The following GNAI2 variants were observed in gnomAD, a reference collection of about 807,000 sequenced individuals.
The protein encoded by GNAI2 is guanine nucleotide-binding protein G(i) subunit alpha-2.
Under a neutral mutation model 36.8 loss-of-function variants are expected in GNAI2, and 4 were observed. That is an observed-to-expected ratio of 0.11 (90% CI 0.05 to 0.25). The LOEUF (loss-of-function observed/expected upper bound fraction) is 0.25. GNAI2 is among the 10% of genes least tolerant of loss of function. The pLI is 1.00. For missense variants in GNAI2, 230 were observed against 481.3 expected, an observed-to-expected ratio of 0.48 and a Z score of 4.89; for synonymous variants, 194 against 194.1, an observed-to-expected ratio of 1.00 and a Z score of 0.01.
At chr3:50,246,524 C>A (rs1229659686) in intron 1 of GNAI2, among the ~76,000 whole-genome samples, 1 of 152,212 alleles carries the variant, frequency 6.6e-6, no homozygotes, top group Non-Finnish European at 1.5e-5. Context: ...GGGCTACCCC[C>A]ACCTGCCCCA....
intron 8 of GNAI2, 69 bp downstream of exon 8, chr3:50,257,783 TC>T: frequency 6.5e-6 from 3 of 463,726 alleles, no homozygotes; most frequent in South Asian, 2.9e-5. Flanking sequence ...AGCAGGGGGT[TC>T]TGGGGGTGGG....
chr3:50,245,094 G>A (rs1700385478), intron 1 of GNAI2, among the ~76,000 whole-genome samples: 3 of 152,052 alleles, frequency 2.0e-5, no homozygotes, highest in Non-Finnish European at 2.9e-5. Flanking sequence ...CGCCTCCCAG[G>A]TTTAAGTGAT....
intron 8 of GNAI2, chr3:50,257,990 T>G: frequency 3.1e-6 from 1 of 318,060 alleles, no homozygotes; most frequent in Non-Finnish European, 5.8e-6. Flanking sequence ...CATCCTGATG[T>G]TCCCTGGAGA....
In GNAI2 at chr3:50,252,514, C is replaced by T. The variant is rs1394362829; in HGVS notation, c.279C>T (p.Ile93=). The T allele has an allele frequency of 5.6e-6, 9 of 1,613,420 alleles. No individual in the cohort carries two copies. Among genetic ancestry groups the T allele is most frequent in the Admixed American group, 3.3e-5 (2 of 60,008 alleles). ...TCAAAGCCATGGGCAACCTGCAGAT[C>T]GACTTTGCCGACCCCTCCAGAGCGG... ...AIVKAMGNLQ[I]DFADPSRADD... is the part of the protein sequence containing the mutation. Residue 93 remains isoleucine, a synonymous_variant, in exon 3 of 9, where the codon ATC becomes ATT. Transcript: ENST00000313601. The surrounding 1 kb of genome is among the most constrained non-coding windows in gnomAD (Gnocchi z 4.1).
At chr3:50,237,838 T>C (rs1184495539) in intron 1 of GNAI2, among the ~76,000 whole-genome samples, 1 of 152,134 alleles carries the variant, frequency 6.6e-6, no homozygotes, top group Non-Finnish European at 1.5e-5. Flanking sequence ...TGGGGGGGTG[T>C]GGCCCCTCGA....
At chr3:50,234,043 G>A (rs965236489), upstream of GNAI2, among the ~76,000 whole-genome samples, 6 of 148,436 alleles carry the variant, frequency 4.0e-5, no homozygotes, top group Admixed American at 6.8e-5. Context: ...TTACAGGCAC[G>A]TGCCACCACG....
At chr3:50,228,821 A>G (rs1700020734), upstream of GNAI2, among the ~76,000 whole-genome samples, 1 of 152,154 alleles carries the variant, frequency 6.6e-6, no homozygotes, top group African/African-American at 2.4e-5. Context: ...GACAAGGCCC[A>G]CTTCCCTAAC....
intron 1 of GNAI2, among the ~76,000 whole-genome samples, chr3:50,248,432 C>T (rs1700471690): frequency 6.6e-6 from 1 of 152,164 alleles, no homozygotes; most frequent in Non-Finnish European, 1.5e-5. Flanking sequence ...CCACAGCTGC[C>T]AGGGCACTTA....
upstream of GNAI2, among the ~76,000 whole-genome samples, chr3:50,232,321 C>T (rs1700081726): frequency 6.6e-6 from 1 of 152,048 alleles, no homozygotes; most frequent in South Asian, 2.1e-4. Flanking sequence ...TAGAGTCAGA[C>T]TCAGTCTCAA....
Position 50,255,506 on chromosome 3 carries a change from A to G in GNAI2, c.465-686A>G, listed in dbSNP as rs782130655. On this transcript the variant is annotated intron_variant, in intron 4 of 8. Transcript: ENST00000313601. The surrounding 1 kb of genome is among the most constrained non-coding windows in gnomAD (Gnocchi z 4.0). Reference sequence around the variant, plus strand: ...TGCGGCTAATGCCGTAATTGCGCCCATTAGCATCCTGAATCCTTCACCGAA... The same window carrying G: ...TGCGGCTAATGCCGTAATTGCGCCCGTTAGCATCCTGAATCCTTCACCGAA... Among the ~76,000 whole-genome samples the G allele has an allele frequency of 6.6e-6, 1 of 152,150 alleles. No homozygotes were observed. The highest frequency in any genetic ancestry group is 2.4e-5 in the African/African-American group (1 of 41,446).
Position 50,252,171 on chromosome 3 carries a change from C to T in GNAI2, c.161+29C>T. ...AGTGCTGTATTCCAGAGGCAGTGCT[C>T]AAACTCCAGCTTCCCCTCTTCACCC... On this transcript the variant is annotated intron_variant, in intron 2 of 8. Coordinates refer to ENST00000313601, the MANE Select transcript of GNAI2 (RefSeq NM_002070.4). This position sits in a 1 kb window ranked among gnomAD's most constrained non-coding sequence, Gnocchi z 4.1. 2 of 1,606,630 alleles carry T rather than the reference C, an allele frequency of 1.2e-6. 1 individual carries two copies. The highest frequency in any genetic ancestry group is 3.3e-4 in the Middle Eastern group (2 of 6,018).
chr3:50,234,113 G>T (rs1700117949), upstream of GNAI2, among the ~76,000 whole-genome samples: 1 of 148,306 alleles, frequency 6.7e-6, no homozygotes, highest in South Asian at 2.1e-4. Context: ...GTCACCCAGG[G>T]TGGAGTGCAG....
chr3:50,256,890 G>A, intron 6 of GNAI2, 38 bp downstream of exon 6: 1 of 1,613,756 alleles, frequency 6.2e-7, no homozygotes, highest in Non-Finnish European at 8.5e-7. Context: ...GGGGGCAGCG[G>A]GCTTGGGGAG....
chr3:50,257,992 C>T (rs1264830787), intron 8 of GNAI2: 4 of 320,728 alleles, frequency 1.2e-5, no homozygotes, highest in Non-Finnish European at 1.7e-5. Flanking sequence ...TCCTGATGTT[C>T]CCTGGAGAAA....
upstream of GNAI2, among the ~76,000 whole-genome samples, chr3:50,234,163 T>C (rs1553700045): frequency 6.7e-6 from 1 of 149,026 alleles, no homozygotes; most frequent in Non-Finnish European, 1.5e-5. Flanking sequence ...GCCTCCTGGG[T>C]TCACACCATT....
intron 1 of GNAI2, among the ~76,000 whole-genome samples, chr3:50,250,109 A>T (rs186964257): frequency 1.3e-5 from 2 of 152,184 alleles, no homozygotes; most frequent in African/African-American, 2.4e-5. Context: ...CCTGGACCTC[A>T]GTTCCTTCAC....
Position 50,252,624 on chromosome 3 carries a change from C to T in GNAI2, c.303+86C>T. On this transcript the variant is annotated intron_variant, in intron 3 of 8. Transcript: ENST00000313601. The surrounding 1 kb of genome is among the most constrained non-coding windows in gnomAD (Gnocchi z 4.1). ...GGTGGCTCATGCCTATAAATCCCAG[C>T]ACTTTGGGACGCCGAGGCGGGTGGA... The T allele has an allele frequency of 8.6e-7, 1 of 1,157,818 alleles. No homozygotes were observed. The highest frequency in any genetic ancestry group is 1.2e-6 in the Non-Finnish European group (1 of 801,532). The allele number at this position is 1,157,818 out of a possible 1,614,324, so 71.7% of individuals were successfully genotyped here. A position where few individuals can be genotyped will look rare whatever the true frequency, so the allele number is the denominator to read the frequency against.
At chr3:50,245,357 G>A (rs999245093) in intron 1 of GNAI2, among the ~76,000 whole-genome samples, 2 of 152,222 alleles carry the variant, frequency 1.3e-5, no homozygotes, top group Admixed American at 6.5e-5. Flanking sequence ...CTGCTGGCTT[G>A]GGTTGGGCCC....
intron 8 of GNAI2, 79 bp downstream of exon 8, chr3:50,257,793 G>C: frequency 1.6e-6 from 1 of 641,060 alleles, no homozygotes; most frequent in Non-Finnish European, 2.6e-6. Flanking sequence ...TCTGGGGGTG[G>C]GTAGGGGGGT....
Sources: gnomAD v4.1 joint callset for allele counts (sites outside exome capture counted in the v4.1 genomes callset) on GRCh38, gnomAD v4.1.1 for gene constraint, Gnocchi (gnomAD v3.1) non-coding constraint, MANE v1.5 for transcripts, NCBI Gene and HGNC (gene_info 2026-07-23, HGNC 2026-07-21) for gene names.